SH3RF2: variants seen among roughly 807,000 people sequenced by gnomAD.
SH3RF2 encodes E3 ubiquitin-protein ligase SH3RF2.
Under a neutral mutation model 59.0 loss-of-function variants are expected in SH3RF2, and 43 were observed. The ratio of observed to expected loss-of-function variants is 0.73; its 90% CI spans 0.57 to 0.94. SH3RF2 has a LOEUF of 0.94. SH3RF2 is among the 40% of genes least tolerant of loss of function. The pLI, the probability that SH3RF2 is intolerant of heterozygous loss-of-function variation, is 0.00. For missense variants in SH3RF2, 930 were observed against 940.1 expected, an observed-to-expected ratio of 0.99 and a Z score of 0.14; for synonymous variants, 391 against 391.5, an observed-to-expected ratio of 1.00 and a Z score of 0.01.
intron 2 of SH3RF2, among the ~76,000 whole-genome samples, chr5:145,941,881 G>T (rs1204705711): frequency 1.3e-5 from 2 of 152,296 alleles, no homozygotes; most frequent in African/African-American, 2.4e-5. Context: ...CATATTAAGT[G>T]CTCAGTAAAT....
chr5:146,057,976 C>CTATATATATATATATATATATATATA (rs1491563299), intron 8 of SH3RF2, among the ~76,000 whole-genome samples: 1 of 118,184 alleles, frequency 8.5e-6, no homozygotes, highest in African/African-American at 2.8e-5. Flanking sequence ...CTCTATCTAT[C>CTATATATATATATATATATATATATA]TATCTATCTA....
At chr5:145,992,569 C>T (rs1042417356) in intron 2 of SH3RF2, among the ~76,000 whole-genome samples, 5 of 152,200 alleles carry the variant, frequency 3.3e-5, no homozygotes, top group Non-Finnish European at 5.9e-5. Flanking sequence ...TATAGTTCCA[C>T]ATGGCTGGGG....
intron 2 of SH3RF2, among the ~76,000 whole-genome samples, chr5:145,981,131 G>T (rs1416624902): frequency 1.3e-5 from 2 of 151,540 alleles, no homozygotes; most frequent in African/African-American, 4.9e-5. Flanking sequence ...GTCTTGCTTT[G>T]TCACCCAGGC....
intron 2 of SH3RF2, among the ~76,000 whole-genome samples, chr5:145,987,455 TAAAG>T (rs1297926000): frequency 6.6e-6 from 1 of 152,220 alleles, no homozygotes; most frequent in African/African-American, 2.4e-5. Context: ...TTAAAATAAA[TAAAG>T]AGAGAAACAC....
chr5:146,056,051 G>C lies in SH3RF2; in HGVS notation c.1393G>C (p.Val465Leu). The C allele has an allele frequency of 1.2e-6, 2 of 1,614,210 alleles. No individual in the cohort carries two copies. Among genetic ancestry groups the C allele is most frequent in the Non-Finnish European group, 1.7e-6 (2 of 1,180,046 alleles). ...YTTWTLSTSS[V>L]SSQGSISEGD... ...CACATGGACGTTATCCACCTCCTCT[G>C]TGTCCTCCCAAGGCAGCATTTCAGA... Residue 465 changes from valine (V) to leucine (L), a missense_variant, in exon 8 of 10, where the codon GTG becomes CTG. By Grantham distance (32) the Val-to-Leu change is conservative. Coordinates refer to ENST00000359120, the MANE Select transcript of SH3RF2 (RefSeq NM_152550.4).
chr5:145,948,734 C>T lies in SH3RF2; in HGVS notation c.378+10428C>T, dbSNP rs575552779. ...GGTACCAGTGTAGCCTCTGTTCCTC[C>T]GGAAGTCAGCCCTCTGTCCCAAACC... On this transcript the variant is annotated intron_variant, in intron 2 of 9. Coordinates refer to ENST00000359120, the MANE Select transcript of SH3RF2 (RefSeq NM_152550.4). Among the ~76,000 whole-genome samples the T allele has an allele frequency of 2.3e-4, 35 of 152,288 alleles. No homozygotes were observed. The South Asian group carries it at 2.5e-3, about 11-fold the overall frequency.
chr5:146,032,815 C>G (rs1450272608), intron 5 of SH3RF2, among the ~76,000 whole-genome samples: 3 of 152,210 alleles, frequency 2.0e-5, no homozygotes, highest in Non-Finnish European at 2.9e-5. Context: ...ATGGGGCAAA[C>G]CCTTCCTGGC....
chr5:145,938,277 G>C lies in SH3RF2; in HGVS notation c.349G>C (p.Val117Leu), dbSNP rs766108914. The C allele has an allele frequency of 1.6e-5, 25 of 1,578,056 alleles. No individual in the cohort carries two copies. Among genetic ancestry groups the C allele is most frequent in the African/African-American group, 2.7e-5 (2 of 74,132 alleles). Residue 117 changes from valine (V) to leucine (L), a missense_variant, in exon 2 of 10, where the codon GTG becomes CTG. Coordinates refer to ENST00000359120, the MANE Select transcript of SH3RF2 (RefSeq NM_152550.4). ...RRLQASPFRLVPNVRIHMDGV... is the reference protein window; with the variant it reads ...RRLQASPFRLLPNVRIHMDGV... ...TCTGCAGGCCAGTCCTTTCCGGCTA[G>C]TGCCTAATGTCAGAATCCACATGGA...
chr5:145,975,394 A>T (rs1277072973), intron 2 of SH3RF2, among the ~76,000 whole-genome samples: 1 of 152,194 alleles, frequency 6.6e-6, no homozygotes, highest in Non-Finnish European at 1.5e-5. Context: ...CTCATCTTAG[A>T]GGGGCAGCTG....
At chr5:145,940,346 G>A (rs1561700700) in intron 2 of SH3RF2, among the ~76,000 whole-genome samples, 1 of 152,172 alleles carries the variant, frequency 6.6e-6, no homozygotes, top group Non-Finnish European at 1.5e-5. Flanking sequence ...CTTCCTCAGT[G>A]GGGATATGAA....
intron 6 of SH3RF2, among the ~76,000 whole-genome samples, 176 bp downstream of exon 6, chr5:146,048,039 G>A (rs949107835): frequency 2.6e-5 from 4 of 152,108 alleles, no homozygotes; most frequent in Admixed American, 6.6e-5. Context: ...AGGGCCAGGC[G>A]CAGTGGCTCA....
intron 2 of SH3RF2, among the ~76,000 whole-genome samples, chr5:145,969,025 G>A (rs555092346): frequency 6.6e-6 from 1 of 152,256 alleles, no homozygotes; most frequent in East Asian, 1.9e-4. Flanking sequence ...GGAACAACCT[G>A]TAAGTATCTG....
chr5:146,067,752 G>A (rs1281738042), downstream of SH3RF2, among the ~76,000 whole-genome samples: 1 of 151,320 alleles, frequency 6.6e-6, no homozygotes, highest in Non-Finnish European at 1.5e-5. Flanking sequence ...TAGGTGAACA[G>A]TGGATGCTCT....
At chr5:146,068,315 T>C (rs1444249254) in intron 9 of SH3RF2, among the ~76,000 whole-genome samples, 1 of 152,132 alleles carries the variant, frequency 6.6e-6, no homozygotes, top group African/African-American at 2.4e-5. Flanking sequence ...TCCTGAGAAG[T>C]GAACAGCTGT....
At chr5:145,996,203 A>G (rs1242708473) in intron 2 of SH3RF2, among the ~76,000 whole-genome samples, 2 of 152,184 alleles carry the variant, frequency 1.3e-5, no homozygotes, top group Non-Finnish European at 2.9e-5. Context: ...CGGATTCAGG[A>G]GATCCATGAA....
At chr5:145,983,939 C>T (rs1759603457) in intron 2 of SH3RF2, among the ~76,000 whole-genome samples, 1 of 152,126 alleles carries the variant, frequency 6.6e-6, no homozygotes, top group Admixed American at 6.5e-5. Flanking sequence ...GGATACTCCC[C>T]AATCTTGGGG....
intron 4 of SH3RF2, among the ~76,000 whole-genome samples, chr5:146,012,846 G>A (rs1760959961): frequency 1.3e-5 from 2 of 152,088 alleles, no homozygotes; most frequent in South Asian, 4.1e-4. Context: ...GTGGTGTACT[G>A]GAGTTGGCTG....
chr5:145,993,028 C>T (rs939350227), intron 2 of SH3RF2, among the ~76,000 whole-genome samples: 11 of 152,088 alleles, frequency 7.2e-5, no homozygotes, highest in African/African-American at 2.2e-4. Flanking sequence ...TTACTAGATA[C>T]AGTGGGGGTA....
chr5:145,949,178 G>A (rs1329567892), intron 2 of SH3RF2, among the ~76,000 whole-genome samples: 1 of 152,150 alleles, frequency 6.6e-6, no homozygotes, highest in Non-Finnish European at 1.5e-5. Flanking sequence ...GCTTGCAGGG[G>A]ATTCGGAGGT....
Sources: allele counts gnomAD v4.1 joint callset (sites outside exome capture counted in the v4.1 genomes callset), GRCh38; gene constraint gnomAD v4.1.1; transcripts MANE v1.5; gene names NCBI Gene and HGNC (gene_info 2026-07-23, HGNC 2026-07-21).